ABCD3: variants seen among roughly 807,000 people sequenced by gnomAD.
ABCD3 encodes ATP-binding cassette sub-family D member 3.
Under a neutral mutation model 105.5 loss-of-function variants are expected in ABCD3, and 41 were observed. The ratio of observed to expected loss-of-function variants is 0.39; its 90% CI spans 0.30 to 0.50. The LOEUF is 0.50. Ranked by LOEUF, ABCD3 falls within the 20% of genes least tolerant of loss-of-function variation. The pLI is 0.84. For missense variants in ABCD3, 622 were observed against 806.3 expected (o/e 0.77, Z 2.77); for synonymous variants, 258 against 269.0 (o/e 0.96, Z 0.40).
intron 1 of ABCD3, among the ~76,000 whole-genome samples, chr1:94,438,236 G>A (rs11576665): frequency 0.36 from 54,324 of 150,298 alleles, 11,342 homozygotes; most frequent in Middle Eastern, 0.54. Flanking sequence ...GCAGTGAGCC[G>A]AGATCACATC....
chr1:94,392,163 A>G, the ABCD3 span, among the ~76,000 whole-genome samples: 4 of 152,352 alleles, frequency 2.6e-5, no homozygotes, highest in East Asian at 1.9e-4. Flanking sequence ...TCTGAAGCAT[A>G]TGATAGAATT....
intron 1 of ABCD3, among the ~76,000 whole-genome samples, chr1:94,420,916 G>T (rs1279278865): frequency 6.6e-6 from 1 of 152,082 alleles, no homozygotes; most frequent in South Asian, 2.1e-4. Flanking sequence ...TATTCCCTTA[G>T]AATTGGATAG....
chr1:94,439,628 C>T (rs1352873211), intron 1 of ABCD3, among the ~76,000 whole-genome samples: 1 of 151,934 alleles, frequency 6.6e-6, no homozygotes, highest in Non-Finnish European at 1.5e-5. Flanking sequence ...GAGACTCTAT[C>T]AAAAATAAAA....
intron 1 of ABCD3, among the ~76,000 whole-genome samples, chr1:94,437,584 G>A (rs1659953329): frequency 6.6e-6 from 1 of 152,220 alleles, no homozygotes; most frequent in South Asian, 2.1e-4. Context: ...GAGCTCTAGT[G>A]GAGATGTACA....
chr1:94,480,902 AAT>A (rs1365275631), intron 9 of ABCD3, among the ~76,000 whole-genome samples: 1 of 152,204 alleles, frequency 6.6e-6, no homozygotes, highest in Non-Finnish European at 1.5e-5. Flanking sequence ...TTCAACTTAC[AAT>A]ACCTGTTCCA....
chr1:94,396,626 CGT>C, the ABCD3 span, among the ~76,000 whole-genome samples: 5 of 151,708 alleles, frequency 3.3e-5, no homozygotes, highest in African/African-American at 9.7e-5. Context: ...CGCGCACGTG[CGT>C]GTGTGTTTAT....
chr1:94,447,672 G>T (rs1660409062), intron 1 of ABCD3, among the ~76,000 whole-genome samples: 1 of 152,124 alleles, frequency 6.6e-6, no homozygotes, highest in African/African-American at 2.4e-5. Flanking sequence ...CCCCTATCGA[G>T]AAACATTACC....
chr1:94,434,835 G>A (rs1284867547), intron 1 of ABCD3, among the ~76,000 whole-genome samples: 1 of 152,116 alleles, frequency 6.6e-6, no homozygotes, highest in African/African-American at 2.4e-5. Flanking sequence ...CCTTCCACAT[G>A]GCCCTTCCCA....
intron 10 of ABCD3, among the ~76,000 whole-genome samples, chr1:94,483,870 G>A (rs1397675379): frequency 2.0e-5 from 3 of 152,066 alleles, no homozygotes; most frequent in Non-Finnish European, 4.4e-5. Context: ...TACAGAATGG[G>A]AGAAATTTTT....
intron 9 of ABCD3, 176 bp from the exon 10 acceptor site, chr1:94,482,994 A>T (rs755672186): frequency 3.3e-6 from 2 of 610,940 alleles, no homozygotes; most frequent in East Asian, 5.7e-5. Context: ...TGCTCCGATC[A>T]GCTGAGCTAG....
intron 8 of ABCD3, chr1:94,478,752 T>C (rs879767550): frequency 2.3e-5 from 19 of 835,390 alleles, no homozygotes; most frequent in Non-Finnish European, 3.1e-5. Flanking sequence ...TTCAAAGTAA[T>C]GTCTAAAAAG....
At chr1:94,468,281 C>T (rs145512707) in intron 4 of ABCD3, among the ~76,000 whole-genome samples, 79 of 152,168 alleles carry the variant, frequency 5.2e-4, no homozygotes, top group Non-Finnish European at 8.1e-4. Flanking sequence ...GACAGGTAGA[C>T]AGAAAATTAA....
chr1:94,479,906 G>A (rs1341000789), intron 8 of ABCD3, among the ~76,000 whole-genome samples: 1 of 152,010 alleles, frequency 6.6e-6, no homozygotes, highest in Non-Finnish European at 1.5e-5. Context: ...TACAGCAGCT[G>A]GAAGCAAGAT....
rs1659116685 is a variant in ABCD3, at chr1:94,418,540, T to C, written c.62T>C (p.Leu21Pro). The C allele has an allele frequency of 6.2e-7, 1 of 1,605,354 alleles. No homozygotes were observed. Among genetic ancestry groups the C allele is most frequent in the Non-Finnish European group, 8.5e-7 (1 of 1,179,266 alleles). The change falls in exon 1 of 23, where the codon CTG (leucine) becomes CCG (proline). Residue 21 changes from leucine to proline, a missense_variant. By Grantham distance (98) the Leu-to-Pro change is moderately conservative (BLOSUM62 -3). This residue lies in a region of ABCD3 where 89 missense variants were observed against 77.5 expected (regional missense o/e 1.15). Coordinates refer to ENST00000370214, the MANE Select transcript of ABCD3 (RefSeq NM_002858.4). ...TCCTCGCTGGCTGGTGCCGCGTTCC[T>C]GCTGCTCTGCCTGCTCCACAAGCGG... Reference protein sequence around the residue: ...RNSSLAGAAFLLLCLLHKRRR... With the variant: ...RNSSLAGAAFPLLCLLHKRRR...
intron 1 of ABCD3, among the ~76,000 whole-genome samples, chr1:94,456,432 C>T: frequency 6.6e-6 from 1 of 151,138 alleles, no homozygotes; most frequent in East Asian, 1.9e-4. Context: ...CATGCCTCCA[C>T]ACTGGACTAT....
At chr1:94,498,750 C>T (rs750674907) in intron 17 of ABCD3, 33 bp from the exon 18 acceptor site, 15 of 1,613,258 alleles carry the variant, frequency 9.3e-6, no homozygotes, top group Non-Finnish European at 1.3e-5. Flanking sequence ...GTAAATTTTA[C>T]AATTGTTCTT....
chr1:94,501,875 CT>C lies in ABCD3; in HGVS notation c.1740+2273del, dbSNP rs4148064. 4.0e-3 allele frequency among the ~76,000 whole-genome samples: 589 copies of C among 146,666 alleles called. 2 individuals are homozygous for C. The highest frequency in any genetic ancestry group is 0.011 in the African/African-American group (445 of 39,820). On this transcript the variant is annotated intron_variant, in intron 20 of 22. Coordinates refer to ENST00000370214, the MANE Select transcript of ABCD3 (RefSeq NM_002858.4). Reference sequence around the variant, plus strand: ...GTTTTTTTAATCCATTTTTGTAAATCTTTTTTTTTTTTACCTTAAATTAGCA... The same window carrying C: ...GTTTTTTTAATCCATTTTTGTAAATCTTTTTTTTTTTACCTTAAATTAGCA...
rs937651960 is a variant in ABCD3 at position 94,514,599 on chromosome 1, A to C, written c.1846-547A>C. On this transcript the variant is annotated intron_variant, in intron 21 of 22. Coordinates refer to ENST00000370214, the MANE Select transcript of ABCD3 (RefSeq NM_002858.4). ...CTAACAAAAGATATTTAAACTCTAT[A>C]TGTCTCAATATCAGTGTCCATGTGT... 14 of 152,702 alleles carry C rather than the reference A, an allele frequency of 9.2e-5. No individual in the cohort carries two copies. The East Asian group carries it at 2.7e-3, about 29-fold the overall frequency. 9.5% of individuals were successfully genotyped at this position (152,702 alleles called of 1,614,324 possible).
At chr1:94,494,681 A>C (rs1231296053) in intron 16 of ABCD3, among the ~76,000 whole-genome samples, 2 of 152,122 alleles carry the variant, frequency 1.3e-5, no homozygotes, top group African/African-American at 4.8e-5. Context: ...AATAATAAAA[A>C]CTTCTTTGGA....
Sources: allele counts gnomAD v4.1 joint callset (sites outside exome capture counted in the v4.1 genomes callset), GRCh38; gene constraint gnomAD v4.1.1; regional missense constraint gnomAD v4.1.1; transcripts MANE v1.5; gene names NCBI Gene and HGNC (gene_info 2026-07-23, HGNC 2026-07-21).